Variants in CFAP221 observed in about 807,000 individuals in gnomAD.
CFAP221 encodes the protein cilia- and flagella-associated protein 221.
A neutral mutation model predicts 113.1 loss-of-function variants in CFAP221; 97 were observed. The observed-to-expected ratio is 0.86, with a 90% confidence interval of 0.73 to 1.02. CFAP221 has a LOEUF of 1.02. CFAP221 is among the 50% of genes least tolerant of loss of function. The pLI is 0.00. For missense variants in CFAP221, 1,025 were observed against 1,013.4 expected, an observed-to-expected ratio of 1.01 and a Z score of -0.16; for synonymous variants, 331 against 354.4, an observed-to-expected ratio of 0.93 and a Z score of 0.74.
At chr2:119,600,505 T>C (rs1377553983) in intron 7 of CFAP221, among the ~76,000 whole-genome samples, 2 of 152,250 alleles carry the variant, frequency 1.3e-5, no homozygotes, top group East Asian at 3.8e-4. Flanking sequence ...GTGTATATAT[T>C]TGTAGAAGTG....
Position 119,559,940 on chromosome 2 carries a change from G to T in CFAP221, c.340G>T (p.Val114Phe). 6.5e-7 allele frequency: 1 copy of T among 1,535,696 alleles called. No homozygotes were observed. The highest frequency in any genetic ancestry group is 8.7e-7 in the Non-Finnish European group (1 of 1,146,764). Reference protein sequence around the residue: ...INYVRKEHHLVPGLSLTVTVT... With the variant: ...INYVRKEHHLFPGLSLTVTVT... Reference sequence around the variant, plus strand: ...ACCTGTCTTCCAGGAACACCACCTGGTCCCTGGCTTGTCCCTCACGGTCAC... The same window carrying T: ...ACCTGTCTTCCAGGAACACCACCTGTTCCCTGGCTTGTCCCTCACGGTCAC... The change falls in exon 5 of 24, where the codon GTC (valine) becomes TTC (phenylalanine). Residue 114 changes from valine (V) to phenylalanine (F), a missense_variant. Coordinates refer to ENST00000413369, the MANE Select transcript of CFAP221 (RefSeq NM_001271049.2).
At chr2:119,550,328 G>A (rs377455595) in intron 3 of CFAP221, among the ~76,000 whole-genome samples, 1 of 152,290 alleles carries the variant, frequency 6.6e-6, no homozygotes, top group South Asian at 2.1e-4. Flanking sequence ...TAAAGGTATC[G>A]GGAAGGAAAT....
intron 15 of CFAP221, among the ~76,000 whole-genome samples, chr2:119,626,070 C>A (rs1426725221): frequency 3.9e-5 from 6 of 152,288 alleles, no homozygotes; most frequent in Admixed American, 3.3e-4. Flanking sequence ...GAGCCCAAGT[C>A]GTTGCCTTTT....
chr2:119,608,491 T>TG lies in CFAP221; in HGVS notation c.1134-11_1134-10insG, dbSNP rs1296461626. The TG allele has an allele frequency of 6.3e-7, 1 of 1,588,156 alleles. No individual in the cohort carries two copies. The highest frequency in any genetic ancestry group is 8.5e-7 in the Non-Finnish European group (1 of 1,171,144). On this transcript the variant is annotated splice_polypyrimidine_tract_variant and intron_variant, in intron 11 of 23. Coordinates refer to ENST00000413369, the MANE Select transcript of CFAP221 (RefSeq NM_001271049.2). ...TGGGTTCTGGACACAGTTTTTTTTTTTTCTCCCCAGGCAGGTGCACCTTGG... is the reference window on the plus strand; with the variant it reads ...TGGGTTCTGGACACAGTTTTTTTTTTGTTCTCCCCAGGCAGGTGCACCTTGG...
rs192179092 is a variant in CFAP221, at chr2:119,577,357, G to C, written c.528-9762G>C. On this transcript the variant is annotated intron_variant, in intron 6 of 23. Coordinates refer to ENST00000413369, the MANE Select transcript of CFAP221 (RefSeq NM_001271049.2). ...GAGGAGACACAAACAGTCCATAGTG[G>C]GATGTTATAGTCCTTTTTTGATGGT... 4.6e-3 allele frequency among the ~76,000 whole-genome samples: 693 copies of C among 152,264 alleles called. 17 individuals carry two copies. The highest frequency in any genetic ancestry group is 0.031 in the Admixed American group (480 of 15,294).
intron 22 of CFAP221, among the ~76,000 whole-genome samples, chr2:119,649,781 T>C (rs1173915545): frequency 2.0e-5 from 3 of 152,154 alleles, no homozygotes; most frequent in African/African-American, 7.2e-5. Flanking sequence ...TTGTTTATCT[T>C]AGGATGTTGC....
At chr2:119,646,465 T>G (rs1320781554) in intron 21 of CFAP221, among the ~76,000 whole-genome samples, 1 of 151,920 alleles carries the variant, frequency 6.6e-6, no homozygotes, top group Non-Finnish European at 1.5e-5. Flanking sequence ...CCACACACTT[T>G]TAAACAACCA....
rs1185300895 is a variant in CFAP221, at chr2:119,601,266, C to A, written c.680C>A (p.Pro227His). ...GKMTVTIKFTPFQYGTAQIKM... is the reference protein window; with the variant it reads ...GKMTVTIKFTHFQYGTAQIKM... ...ATGACTGTGACTATTAAGTTTACACCCTTTCAGTATGGGACTGCACAAATA... is the reference window on the plus strand; with the variant it reads ...ATGACTGTGACTATTAAGTTTACACACTTTCAGTATGGGACTGCACAAATA... The change falls in exon 8 of 24, where the codon CCC (proline) becomes CAC (histidine). Residue 227 changes from proline to histidine, a missense_variant. Transcript: ENST00000413369. 6 of 1,534,434 alleles carry A rather than the reference C, an allele frequency of 3.9e-6. No homozygotes were observed. The highest frequency in any genetic ancestry group is 5.2e-6 in the Non-Finnish European group (6 of 1,145,980).
At chr2:119,578,427 C>T (rs946925678) in intron 6 of CFAP221, among the ~76,000 whole-genome samples, 2 of 152,188 alleles carry the variant, frequency 1.3e-5, no homozygotes, top group South Asian at 2.1e-4. Flanking sequence ...GAATGGCACA[C>T]GATACATCAT....
chr2:119,625,801 A>C, intron 15 of CFAP221, 113 bp downstream of exon 15: 1 of 797,288 alleles, frequency 1.3e-6, no homozygotes, highest in South Asian at 1.8e-5. Flanking sequence ...ACCAGTCACA[A>C]ATGTTAGTTT....
intron 6 of CFAP221, chr2:119,572,437 T>G (rs1574031439): frequency 1.7e-6 from 1 of 576,918 alleles, no homozygotes; most frequent in East Asian, 2.8e-5. Context: ...AATCTTCTTA[T>G]AATAAGTAAA....
intron 8 of CFAP221, among the ~76,000 whole-genome samples, chr2:119,602,337 G>T (rs1485516506): frequency 6.6e-6 from 1 of 152,008 alleles, no homozygotes; most frequent in African/African-American, 2.4e-5. Flanking sequence ...ATCACGCCAC[G>T]GCACTCCAGC....
chr2:119,604,563 A>G (rs974836320), intron 8 of CFAP221, 109 bp from the exon 9 acceptor site: 11 of 995,748 alleles, frequency 1.1e-5, no homozygotes, highest in Non-Finnish European at 4.1e-6. Context: ...TTTTCAGTTT[A>G]GGTATAATAA....
chr2:119,546,280 T>C lies in CFAP221; in HGVS notation c.139+10T>C, dbSNP rs1174289854. The C allele has an allele frequency of 2.6e-6, 4 of 1,532,302 alleles. No individual in the cohort carries two copies. The highest frequency in any genetic ancestry group is 1.7e-4 in the Middle Eastern group (1 of 5,948). 94.9% of individuals were successfully genotyped at this position (1,532,302 alleles called of 1,614,324 possible). On this transcript the variant is annotated intron_variant, in intron 2 of 23. Transcript: ENST00000413369. ...CACCTCCTAGAATCAAGTAAGTGGC[T>C]AGAAGACAGATTTGCTTTACAGCTC...
chr2:119,602,473 C>G, intron 8 of CFAP221: 5 of 307,160 alleles, frequency 1.6e-5, no homozygotes, highest in Non-Finnish European at 2.4e-5. Flanking sequence ...TCTTGGTTTT[C>G]CTCTTCTTTG....
At chr2:119,646,768 G>A (rs1453093346) in intron 21 of CFAP221, among the ~76,000 whole-genome samples, 190 bp from the exon 22 acceptor site, 1 of 152,154 alleles carries the variant, frequency 6.6e-6, no homozygotes, top group African/African-American at 2.4e-5. Flanking sequence ...ATTCTCCCAG[G>A]TTTGCCTGGG....
At chr2:119,596,790 A>G (rs1318000887) in intron 7 of CFAP221, among the ~76,000 whole-genome samples, 1 of 152,210 alleles carries the variant, frequency 6.6e-6, no homozygotes, top group African/African-American at 2.4e-5. Context: ...TTAGACATGA[A>G]CAGTATCCAA....
At chr2:119,556,677 C>T (rs1402674414) in intron 3 of CFAP221, among the ~76,000 whole-genome samples, 6 of 151,712 alleles carry the variant, frequency 4.0e-5, no homozygotes, top group South Asian at 2.1e-4. Flanking sequence ...CTCAGCCTCC[C>T]GAGTAGCTGG....
intron 12 of CFAP221, among the ~76,000 whole-genome samples, chr2:119,611,420 C>CA (rs10689517): frequency 0.032 from 3,683 of 113,394 alleles, 404 homozygotes; most frequent in African/African-American, 0.11. Flanking sequence ...GAGACAACGT[C>CA]AAAAAAAAAA....
Sources: allele counts gnomAD v4.1 joint callset (sites outside exome capture counted in the v4.1 genomes callset), GRCh38; gene constraint gnomAD v4.1.1; transcripts MANE v1.5; gene names NCBI Gene and HGNC (gene_info 2026-07-23, HGNC 2026-07-21).